The following SPOCK3 variants were observed in gnomAD, a reference collection of about 807,000 sequenced individuals.
SPOCK3 encodes testican-3.
A neutral mutation model predicts 56.6 loss-of-function variants in SPOCK3; 30 were observed. The observed-to-expected ratio is 0.53, with a 90% CI of 0.40 to 0.72. The LOEUF is 0.72. Ranked by LOEUF, SPOCK3 falls within the 30% of genes least tolerant of loss-of-function variation. SPOCK3 has a pLI of 0.00. For missense variants in SPOCK3, 527 were observed against 530.0 expected, an observed-to-expected ratio of 0.99 and a Z score of 0.06; for synonymous variants, 196 against 183.3, an observed-to-expected ratio of 1.07 and a Z score of -0.56.
intron 4 of SPOCK3, among the ~76,000 whole-genome samples, chr4:166,969,486 T>TTTAAATGTGTTTATCACTTTTAACACA (rs1745133078): frequency 6.8e-6 from 1 of 147,238 alleles, no homozygotes; most frequent in Non-Finnish European, 1.5e-5. Context: ...GATCTAGTTG[T>TTTAAATGTGTTTATCACTTTTAACACA]TTAAATGTGT....
At chr4:167,202,900 T>G (rs1733659299) in intron 2 of SPOCK3, among the ~76,000 whole-genome samples, 1 of 151,914 alleles carries the variant, frequency 6.6e-6, no homozygotes, top group South Asian at 2.1e-4. Flanking sequence ...AATAGTAATT[T>G]TTTCTCTCCA....
chr4:167,233,706 T>C (rs1196081350), intron 2 of SPOCK3, among the ~76,000 whole-genome samples: 1 of 152,068 alleles, frequency 6.6e-6, no homozygotes. Context: ...TTTGTAACCT[T>C]TGTGGGCCGG....
chr4:166,795,550 C>A (rs1741842302), intron 6 of SPOCK3, among the ~76,000 whole-genome samples: 3 of 151,928 alleles, frequency 2.0e-5, no homozygotes, highest in Admixed American at 2.0e-4. Context: ...TTAAAATTGG[C>A]AATAATTTAT....
intron 6 of SPOCK3, among the ~76,000 whole-genome samples, chr4:166,838,887 G>A (rs907505069): frequency 4.6e-5 from 7 of 150,852 alleles, no homozygotes; most frequent in East Asian, 2.0e-4. Context: ...GCTTGAATCC[G>A]GGAGGCGGAG....
rs1580564998 is a variant in SPOCK3, at chr4:167,190,729, G to C, written c.189+43256C>G. Among the ~76,000 whole-genome samples the C allele has an allele frequency of 2.8e-5, 4 of 145,294 alleles. 1 individual carries two copies. The Admixed American group carries it at 2.8e-4, about 10-fold the overall frequency. On this transcript the variant is annotated intron_variant, in intron 2 of 10. Transcript: ENST00000357545. ...CCTTGTTCATATGTTTGTTTTCTAG[G>C]GGTTTGACTGTTTCAGATTTTACTT...
At chr4:166,825,787 A>C (rs1745397414) in intron 6 of SPOCK3, among the ~76,000 whole-genome samples, 1 of 152,150 alleles carries the variant, frequency 6.6e-6, no homozygotes, top group Non-Finnish European at 1.5e-5. Flanking sequence ...GAAGTAATTC[A>C]GGAAAGGAAA....
intron 9 of SPOCK3, among the ~76,000 whole-genome samples, chr4:166,740,674 C>T (rs902694801): frequency 6.6e-6 from 1 of 152,016 alleles, no homozygotes; most frequent in African/African-American, 2.4e-5. Flanking sequence ...TACAGGCACA[C>T]ACCACCACGC....
At chr4:166,822,560 G>C (rs1433314731) in intron 6 of SPOCK3, among the ~76,000 whole-genome samples, 1 of 151,992 alleles carries the variant, frequency 6.6e-6, no homozygotes, top group African/African-American at 2.4e-5. Flanking sequence ...CTCATGCGGA[G>C]AACTGGCAGC....
chr4:167,155,918 C>G (rs1364883306), intron 2 of SPOCK3, among the ~76,000 whole-genome samples: 1 of 151,960 alleles, frequency 6.6e-6, no homozygotes, highest in Non-Finnish European at 1.5e-5. Flanking sequence ...AGCAAACCAC[C>G]ATGCATATGT....
At chr4:166,949,497 GT>G (rs1742238775) in intron 4 of SPOCK3, among the ~76,000 whole-genome samples, 1 of 152,054 alleles carries the variant, frequency 6.6e-6, no homozygotes, top group Non-Finnish European at 1.5e-5. Flanking sequence ...TTTGATGATG[GT>G]GATGTACAGA....
chr4:166,802,565 A>G (rs1394009495), intron 6 of SPOCK3, among the ~76,000 whole-genome samples: 1 of 152,006 alleles, frequency 6.6e-6, no homozygotes, highest in Non-Finnish European at 1.5e-5. Flanking sequence ...CCTCCTTTAT[A>G]AGGGTACTAA....
At chr4:167,150,610 G>A (rs960256616) in intron 2 of SPOCK3, among the ~76,000 whole-genome samples, 6 of 152,222 alleles carry the variant, frequency 3.9e-5, no homozygotes, top group South Asian at 2.1e-4. Context: ...TAGAAAACCC[G>A]TAGACTTATG....
intron 6 of SPOCK3, among the ~76,000 whole-genome samples, chr4:166,883,999 T>C (rs1055702316): frequency 8.5e-5 from 13 of 152,164 alleles, no homozygotes; most frequent in Non-Finnish European, 1.8e-4. Flanking sequence ...ATAATGTACA[T>C]TTAGACTAGT....
In SPOCK3 at chr4:167,027,454, T is replaced by C. The variant is rs923495025; in HGVS notation, c.236-26991A>G. On this transcript the variant is annotated intron_variant, in intron 3 of 10. Coordinates refer to ENST00000357545, the MANE Select transcript of SPOCK3 (RefSeq NM_001040159.2). ...TTTTGTTTGGGGATTTTCTTTGTAC[T>C]ATTTAATAGTATATATAATTAAGAC... Among the ~76,000 whole-genome samples the C allele has an allele frequency of 2.4e-4, 36 of 152,000 alleles. 1 individual carries two copies. Among genetic ancestry groups the C allele is most frequent in the Non-Finnish European group, 4.1e-4 (28 of 67,972 alleles).
At chr4:167,168,614 T>C (rs1730212280) in intron 2 of SPOCK3, among the ~76,000 whole-genome samples, 1 of 151,894 alleles carries the variant, frequency 6.6e-6, no homozygotes, top group Non-Finnish European at 1.5e-5. Context: ...GGAACTTAGG[T>C]TTAAAGGAGA....
intron 2 of SPOCK3, among the ~76,000 whole-genome samples, chr4:167,123,740 CTTTTTT>C (rs901846399): frequency 3.4e-5 from 4 of 118,364 alleles, no homozygotes; most frequent in South Asian, 2.9e-4. Context: ...CATTTCTTTT[CTTTTTT>C]TTTTTTTTTT....
intron 2 of SPOCK3, among the ~76,000 whole-genome samples, chr4:167,205,526 A>G (rs568112776): frequency 1.9e-4 from 11 of 57,094 alleles, no homozygotes; most frequent in Non-Finnish European, 3.2e-4. Context: ...TATTATATAT[A>G]TTATTATATA....
In SPOCK3 at chr4:166,942,436, C is replaced by T. The variant is rs151260740; in HGVS notation, c.351-29693G>A. 1.6e-3 allele frequency among the ~76,000 whole-genome samples: 241 copies of T among 150,184 alleles called. 4 individuals are homozygous for T. Among genetic ancestry groups the T allele is most frequent in the African/African-American group, 5.5e-3 (224 of 40,710 alleles). On this transcript the variant is annotated intron_variant, in intron 4 of 10. Transcript: ENST00000357545. ...GTGATGGCCAGGATGGTCTCGATCT[C>T]CTGACCTTGTGATCTACCTGCCTTG...
chr4:167,006,318 G>A (rs566249408), intron 3 of SPOCK3, among the ~76,000 whole-genome samples: 11 of 152,134 alleles, frequency 7.2e-5, no homozygotes, highest in South Asian at 4.2e-4. Flanking sequence ...CTGAGCTTTC[G>A]GTGAGATTCA....
Sources: allele counts gnomAD v4.1 joint callset (sites outside exome capture counted in the v4.1 genomes callset), GRCh38; gene constraint gnomAD v4.1.1; transcripts MANE v1.5; gene names NCBI Gene and HGNC (gene_info 2026-07-23, HGNC 2026-07-21).